The following GBP6 variants were observed in gnomAD, a reference collection of about 807,000 sequenced individuals.
GBP6 encodes the protein guanylate binding protein family member 6, also known as guanylate-binding protein 6.
GBP6 carries 54 observed loss-of-function variants against 61.5 expected under a neutral mutation model. The ratio of observed to expected loss-of-function variants is 0.88; its 90% CI spans 0.71 to 1.10. The LOEUF is 1.10. Ranked by LOEUF, GBP6 falls within the 50% of genes least tolerant of loss-of-function variation. GBP6 has a pLI of 0.00. For synonymous variants in GBP6, 255 were observed against 273.7 expected, an observed-to-expected ratio of 0.93 and a Z score of 0.67; for missense variants, 748 against 752.8, an observed-to-expected ratio of 0.99 and a Z score of 0.07.
At position 89,384,196 on chromosome 1, in the gene GBP6, G is replaced by A. The variant is rs1653070504; in HGVS notation, c.1572G>A (p.Lys524=). The A allele has an allele frequency of 6.2e-7, 1 of 1,613,866 alleles. No homozygotes were observed. Among genetic ancestry groups the A allele is most frequent in the South Asian group, 1.1e-5 (1 of 91,078 alleles). The change falls in exon 10 of 11, where the codon AAG becomes AAA. Residue 524 remains lysine, a synonymous_variant. Transcript: ENST00000370456. The stretch of plus-strand genomic sequence containing the variant: ...TGGAGGCTCAAGATAAGAGTCGCAA[G>A]GAAAACATAGCCCAACTGAAGGAGA... The part of the protein sequence containing the change: ...QQMEAQDKSR[K]ENIAQLKEKL...
chr1:89,366,206 A>G (rs991946471), intron 1 of GBP6, among the ~76,000 whole-genome samples: 3 of 152,154 alleles, frequency 2.0e-5, no homozygotes, highest in African/African-American at 2.4e-5. Flanking sequence ...CTCTCTCTAG[A>G]TATCTATAAT....
intron 3 of GBP6, among the ~76,000 whole-genome samples, chr1:89,372,745 T>C (rs894474221): frequency 3.3e-5 from 5 of 152,184 alleles, no homozygotes; most frequent in African/African-American, 9.7e-5. Context: ...ATTTAGGACA[T>C]AGGCATGGGC....
intron 3 of GBP6, among the ~76,000 whole-genome samples, chr1:89,372,085 T>C (rs1652660787): frequency 6.6e-6 from 1 of 151,994 alleles, no homozygotes; most frequent in Admixed American, 6.6e-5. Context: ...GAGAATAAAA[T>C]ACCTAGGAAT....
chr1:89,387,495 T>C lies in GBP6; in HGVS notation c.*2026T>C, dbSNP rs564348791. ...TGGGAGTATGTTCAGGCATAGGTTG[T>C]GCTAAATAAGCTTCTTTTATAAAAA... On this transcript the variant is annotated 3_prime_UTR_variant, in exon 11 of 11. Coordinates refer to ENST00000370456, the MANE Select transcript of GBP6 (RefSeq NM_198460.3). 2.0e-5 allele frequency among the ~76,000 whole-genome samples: 3 copies of C among 152,372 alleles called. No individual in the cohort carries two copies. The highest frequency in any genetic ancestry group is 6.5e-5 in the Admixed American group (1 of 15,304).
intron 3 of GBP6, among the ~76,000 whole-genome samples, chr1:89,375,382 AG>A (rs1328998490): frequency 3.3e-5 from 5 of 152,184 alleles, no homozygotes; most frequent in Non-Finnish European, 5.9e-5. Flanking sequence ...GATACTGGTG[AG>A]GCTGTGGGCT....
intron 3 of GBP6, among the ~76,000 whole-genome samples, chr1:89,376,427 ATGTGGATATC>A (rs1346576300): frequency 2.6e-5 from 4 of 152,164 alleles, no homozygotes; most frequent in African/African-American, 9.7e-5. Flanking sequence ...TTCTGCATAC[ATGTGGATATC>A]TGTTTTCCCA....
rs775870251 is a variant in GBP6, at chr1:89,378,632, G to A, written c.625+19G>A. ...ATTCAAGGTATCAGAATGTGGCCTG[G>A]GCTGTGGGTGGTCCACTGGGTGTGT... is the stretch of plus-strand genomic sequence containing the variant. On this transcript the variant is annotated intron_variant, in intron 5 of 10. Coordinates refer to ENST00000370456, the MANE Select transcript of GBP6 (RefSeq NM_198460.3). The A allele has an allele frequency of 2.5e-6, 4 of 1,589,980 alleles. No individual in the cohort carries two copies. The highest frequency in any genetic ancestry group is 3.4e-6 in the Non-Finnish European group (4 of 1,162,222).
At chr1:89,370,939 T>C (rs1652617475) in intron 3 of GBP6, among the ~76,000 whole-genome samples, 2 of 152,174 alleles carry the variant, frequency 1.3e-5, no homozygotes, top group South Asian at 4.2e-4. Context: ...ATCTCCAGAG[T>C]TTATTTATCT....
intron 3 of GBP6, among the ~76,000 whole-genome samples, chr1:89,375,329 C>T (rs1652775362): frequency 6.6e-6 from 1 of 152,162 alleles, no homozygotes; most frequent in South Asian, 2.1e-4. Context: ...TACCATCTCA[C>T]ACCAGTCAGA....
At chr1:89,378,236 A>T in intron 4 of GBP6, 24 bp downstream of exon 4, 2 of 1,591,294 alleles carry the variant, frequency 1.3e-6, no homozygotes, top group Non-Finnish European at 1.7e-6. Context: ...AACAGAACAG[A>T]ACCACCAGGT....
rs141578743 is a variant in GBP6, at chr1:89,370,132, T to C, written c.318+459T>C. ...GAGTTATCATGTTTTGGGACAAGGG[T>C]GCTAGGCCTTCATCCCTGGTGCTGG... On this transcript the variant is annotated intron_variant, in intron 3 of 10. Transcript: ENST00000370456. Among the ~76,000 whole-genome samples the C allele has an allele frequency of 7.8e-3, 1,194 of 152,160 alleles. 20 individuals are homozygous for C. The highest frequency in any genetic ancestry group is 0.027 in the African/African-American group (1,134 of 41,492).
chr1:89,377,345 T>G (rs928978832), intron 3 of GBP6, among the ~76,000 whole-genome samples: 2 of 152,210 alleles, frequency 1.3e-5, no homozygotes, highest in Admixed American at 1.3e-4. Flanking sequence ...TTTGTTTCTG[T>G]GGGTCTTTCT....
intron 10 of GBP6, 70 bp downstream of exon 10, chr1:89,384,356 G>T (rs1472290861): frequency 4.8e-6 from 6 of 1,253,970 alleles, no homozygotes; most frequent in Non-Finnish European, 6.6e-6. Context: ...GCTGGTGAAG[G>T]TTACAGCAAC....
intron 1 of GBP6, among the ~76,000 whole-genome samples, chr1:89,366,117 C>T (rs1357665389): frequency 6.6e-6 from 1 of 152,054 alleles, no homozygotes; most frequent in Non-Finnish European, 1.5e-5. Context: ...CTCGATTCAC[C>T]CAAAAGTGAC....
At chr1:89,369,237 A>G (rs1652551511) in intron 2 of GBP6, among the ~76,000 whole-genome samples, 1 of 152,038 alleles carries the variant, frequency 6.6e-6, no homozygotes, top group African/African-American at 2.4e-5. Context: ...TCTTTCTTCA[A>G]CCCACTCTTC....
chr1:89,365,901 CTG>C (rs1292798660), intron 1 of GBP6, among the ~76,000 whole-genome samples: 1 of 152,090 alleles, frequency 6.6e-6, no homozygotes, highest in Admixed American at 6.5e-5. Context: ...CAATTCTAAA[CTG>C]AGTATTTGAG....
intron 3 of GBP6, among the ~76,000 whole-genome samples, chr1:89,377,487 C>A (rs775708353): frequency 6.6e-6 from 1 of 152,148 alleles, no homozygotes; most frequent in Non-Finnish European, 1.5e-5. Context: ...CCTGGATAGA[C>A]TTGTAATTTT....
At chr1:89,371,480 T>A (rs1652638888) in intron 3 of GBP6, among the ~76,000 whole-genome samples, 1 of 152,174 alleles carries the variant, frequency 6.6e-6, no homozygotes, top group African/African-American at 2.4e-5. Context: ...CAAGTGGGCT[T>A]CATCCCTGGG....
rs1380998213 is a variant in GBP6, at chr1:89,380,447, A to C, written c.687A>C (p.Pro229=). The C allele has an allele frequency of 6.2e-7, 1 of 1,614,032 alleles. No homozygotes were observed. The highest frequency in any genetic ancestry group is 1.3e-5 in the African/African-American group (1 of 74,940). Residue 229 remains proline (P), a synonymous_variant, in exon 6 of 11, where the codon CCA becomes CCC. Coordinates refer to ENST00000370456, the MANE Select transcript of GBP6 (RefSeq NM_198460.3). The part of the protein sequence containing the change: ...FPRECIRRFF[P]KRKCFVFDRP... ...GGGAGTGCATCAGGCGTTTCTTTCCAAAACGGAAGTGTTTCGTCTTTGACC... is the reference window on the plus strand; with the variant it reads ...GGGAGTGCATCAGGCGTTTCTTTCCCAAACGGAAGTGTTTCGTCTTTGACC...
Sources: gnomAD v4.1 joint callset for allele counts (sites outside exome capture counted in the v4.1 genomes callset) on GRCh38, gnomAD v4.1.1 for gene constraint, MANE v1.5 for transcripts, NCBI Gene and HGNC (gene_info 2026-07-23, HGNC 2026-07-21) for gene names.